Variants in APOBEC4 observed in about 807,000 individuals in gnomAD.
APOBEC4 encodes the protein apolipoprotein B mRNA editing enzyme catalytic polypeptide like 4.
For synonymous variants in APOBEC4, 141 were observed against 154.2 expected (o/e 0.91, Z 0.63); for missense variants, 375 against 441.2 (o/e 0.85, Z 1.34).
chr1:183,647,962 T>C lies in APOBEC4; in HGVS notation c.820A>G (p.Met274Val), dbSNP rs966918671. The stretch of plus-strand genomic sequence containing the variant: ...TTGGGTTGGAGTTGTCCACTCGGCA[T>C]TTGAAAAAACTGTCCAGGAAAGGCA... ...NNAFPGQFFQ[M>V]PSGQLQPNLP... Residue 274 changes from methionine to valine, a missense_variant, in exon 2 of 2, where the codon ATG becomes GTG. Coordinates refer to ENST00000308641, the MANE Select transcript of APOBEC4 (RefSeq NM_203454.3). The C allele has an allele frequency of 1.9e-6, 3 of 1,614,196 alleles. No individual in the cohort carries two copies. The highest frequency in any genetic ancestry group is 3.3e-5 in the Admixed American group (2 of 60,024).
At chr1:183,650,430 T>C (rs141962660) in intron 1 of APOBEC4, among the ~76,000 whole-genome samples, 12,439 of 151,890 alleles carry the variant, frequency 0.082, 1,003 homozygotes, top group African/African-American at 0.21. Flanking sequence ...GTAGTCCCAG[T>C]TACTCGGGAG....
At chr1:183,651,946 C>A (rs865827950) in intron 1 of APOBEC4, among the ~76,000 whole-genome samples, 21 of 152,196 alleles carry the variant, frequency 1.4e-4, no homozygotes, top group Admixed American at 4.6e-4. Context: ...CCCAAACTTT[C>A]ATGCTTTTTA....
At chr1:183,651,850 G>A (rs760839199) in intron 1 of APOBEC4, among the ~76,000 whole-genome samples, 4 of 152,140 alleles carry the variant, frequency 2.6e-5, no homozygotes, top group Non-Finnish European at 5.9e-5. Context: ...GCTTACTCCC[G>A]AGCATTGTTT....
rs370198309 is a variant in APOBEC4, at chr1:183,648,258, C to T, written c.524G>A (p.Arg175Gln). ...PASAWNREAL[R>Q]SLASLWPRVV... is the part of the protein sequence containing the mutation. The stretch of plus-strand genomic sequence containing the variant: ...CCGCGGCCATAAGCTGGCCAGGCTC[C>T]GGAGAGCTTCGCGGTTCCATGCTGA... Residue 175 changes from arginine to glutamine, a missense_variant, in exon 2 of 2, where the codon CGG becomes CAG. Arg to Gln is a conservative substitution (Grantham distance 43). Coordinates refer to ENST00000308641, the MANE Select transcript of APOBEC4 (RefSeq NM_203454.3). The T allele has an allele frequency of 5.8e-5, 93 of 1,613,980 alleles. 1 individual carries two copies. The Admixed American group carries it at 7.0e-4, about 12-fold the overall frequency.
rs943326197 is a variant in APOBEC4 at position 183,653,199 on chromosome 1, T to A, written c.-158A>T. The stretch of plus-strand genomic sequence containing the variant: ...TCAGAAGGCAATTGTGCTGTAAAGA[T>A]TCACCTTGTAATGGGTTCAGGACTC... On this transcript the variant is annotated 5_prime_UTR_variant, in exon 1 of 2. Transcript: ENST00000308641. 1 of 152,236 alleles carries A rather than the reference T, an allele frequency of 6.6e-6. No individual in the cohort carries two copies. The highest frequency in any genetic ancestry group is 1.5e-5 in the Non-Finnish European group (1 of 68,050). The allele number at this position is 152,236 out of a possible 1,614,324, so 9.4% of individuals were successfully genotyped here.
At chr1:183,650,859 T>C (rs1318578279) in intron 1 of APOBEC4, among the ~76,000 whole-genome samples, 1 of 152,128 alleles carries the variant, frequency 6.6e-6, no homozygotes, top group Non-Finnish European at 1.5e-5. Flanking sequence ...TATTTTTTTG[T>C]TGCTATAATG....
rs756763376 is a variant in APOBEC4, at chr1:183,647,748, A to G, written c.1034T>C (p.Val345Ala). Residue 345 changes from valine to alanine, a missense_variant, in exon 2 of 2, where the codon GTG becomes GCG. Coordinates refer to ENST00000308641, the MANE Select transcript of APOBEC4 (RefSeq NM_203454.3). ...RLPTGRSVEI[V>A]EITEQFASSK... is the part of the protein sequence containing the mutation. The stretch of plus-strand genomic sequence containing the variant: ...ACTTGCAAACTGTTCTGTGATTTCC[A>G]CTATCTCCACTGACCTTCCAGTGGG... 6.2e-6 allele frequency: 10 copies of G among 1,613,662 alleles called. No individual in the cohort carries two copies. The Admixed American group carries it at 8.3e-5, about 13-fold the overall frequency.
At position 183,647,623 on chromosome 1, in the gene APOBEC4, T is replaced by C. The variant is rs993943054; in HGVS notation, c.*55A>G. On this transcript the variant is annotated 3_prime_UTR_variant, in exon 2 of 2. Transcript: ENST00000308641. ...GAGAGAGAAAGTTTCCAGATTTTTA[T>C]TGCCTATCTAATAAGTCCCTTGGTA... 1 of 1,508,464 alleles carries C rather than the reference T, an allele frequency of 6.6e-7. No individual in the cohort carries two copies. Among genetic ancestry groups the C allele is most frequent in the Non-Finnish European group, 8.8e-7 (1 of 1,131,884 alleles). 93.4% of individuals were successfully genotyped at this position (1,508,464 alleles called of 1,614,324 possible).
At chr1:183,652,311 T>C (rs3889889) in intron 1 of APOBEC4, among the ~76,000 whole-genome samples, 9,456 of 152,256 alleles carry the variant, frequency 0.062, 483 homozygotes, top group African/African-American at 0.14. Flanking sequence ...ATCATTACTG[T>C]CTTTAAGGAG....
Position 183,647,045 on chromosome 1 carries a change from C to T in APOBEC4, c.*633G>A, listed in dbSNP as rs1650340585. 1 of 152,168 alleles carries T rather than the reference C, an allele frequency of 6.6e-6. No homozygotes were observed. The highest frequency in any genetic ancestry group is 2.4e-5 in the African/African-American group (1 of 41,424). The allele number at this position is 152,168 out of a possible 1,614,324, so 9.4% of individuals were successfully genotyped here. On this transcript the variant is annotated 3_prime_UTR_variant, in exon 2 of 2. Coordinates refer to ENST00000308641, the MANE Select transcript of APOBEC4 (RefSeq NM_203454.3). Reference sequence around the variant, plus strand: ...TTGGAGGTTCTCATGTATCATCTTACCTCTATCATCTGCTCAGAAGGGAGA... The same window carrying T: ...TTGGAGGTTCTCATGTATCATCTTATCTCTATCATCTGCTCAGAAGGGAGA...
At chr1:183,650,954 T>C (rs1427765503) in intron 1 of APOBEC4, among the ~76,000 whole-genome samples, 1 of 152,192 alleles carries the variant, frequency 6.6e-6, no homozygotes, top group Non-Finnish European at 1.5e-5. Flanking sequence ...GAAATATATT[T>C]GATTTTTTAC....
rs1650346736 is a variant in APOBEC4, at chr1:183,647,125, G to A, written c.*553C>T. On this transcript the variant is annotated 3_prime_UTR_variant, in exon 2 of 2. Coordinates refer to ENST00000308641, the MANE Select transcript of APOBEC4 (RefSeq NM_203454.3). Reference sequence around the variant, plus strand: ...AGGTGGCTAGGTTTTAATCTTTATAGCTATATGTAATCAGCAGAAGAGCTT... The same window carrying A: ...AGGTGGCTAGGTTTTAATCTTTATAACTATATGTAATCAGCAGAAGAGCTT... 1 of 152,840 alleles carries A rather than the reference G, an allele frequency of 6.5e-6. No individual in the cohort carries two copies. The highest frequency in any genetic ancestry group is 6.5e-5 in the Admixed American group (1 of 15,396). The allele number at this position is 152,840 out of a possible 1,614,324, so 9.5% of individuals were successfully genotyped here.
intron 1 of APOBEC4, among the ~76,000 whole-genome samples, chr1:183,650,059 T>A (rs1184248778): frequency 6.6e-6 from 1 of 152,124 alleles, no homozygotes; most frequent in Non-Finnish European, 1.5e-5. Context: ...GTGATCCTCC[T>A]ACCTTGGCCT....
Position 183,648,556 on chromosome 1 carries a change from CAGA to C in APOBEC4, c.223_225del (p.Ser75del). On this transcript the variant is annotated inframe_deletion, in exon 2 of 2. Transcript: ENST00000308641. The stretch of plus-strand genomic sequence containing the variant: ...GCATGGCCCTTTTGCACCAGGCTAC[CAGA>C]AGAAGTTTTTAGTTCATAAAATGTG... The C allele has an allele frequency of 6.2e-6, 10 of 1,614,124 alleles. No individual in the cohort carries two copies. Among genetic ancestry groups the C allele is most frequent in the Non-Finnish European group, 8.5e-6 (10 of 1,180,028 alleles).
chr1:183,648,925 T>G, intron 1 of APOBEC4, 114 bp from the exon 2 acceptor site: 1 of 648,820 alleles, frequency 1.5e-6, no homozygotes, highest in East Asian at 2.7e-5. Flanking sequence ...AAGATAGTGA[T>G]ATATGCATAG....
chr1:183,647,681 T>A lies in APOBEC4; in HGVS notation c.1101A>T (p.Lys367Asn). The change falls in exon 2 of 2, where the codon AAA becomes AAT. Residue 367 changes from lysine to asparagine, a missense_variant. Coordinates refer to ENST00000308641, the MANE Select transcript of APOBEC4 (RefSeq NM_203454.3). ...ADEKKKKKGK[K>N] ...TCATGCTGTAGGAATGTAGATTTTA[T>A]TTCTTCCCTTTCTTCTTCTTCTTTT... is the stretch of plus-strand genomic sequence containing the variant. The A allele has an allele frequency of 1.9e-6, 3 of 1,593,734 alleles. No homozygotes were observed. The highest frequency in any genetic ancestry group is 2.6e-6 in the Non-Finnish European group (3 of 1,167,168).
rs202103930 is a variant in APOBEC4 at position 183,648,113 on chromosome 1, C to T, written c.669G>A (p.Arg223=). Residue 223 remains arginine, a synonymous_variant, in exon 2 of 2, where the codon AGG becomes AGA. Coordinates refer to ENST00000308641, the MANE Select transcript of APOBEC4 (RefSeq NM_203454.3). ...TGGCATTGATTTCATATGCGTTGTG[C>T]CTGTCAGCCAGTGCTCTCCCAGTTA... The part of the protein sequence containing the change: ...PILTGRALAD[R]HNAYEINAIT... 2.1e-5 allele frequency: 34 copies of T among 1,614,072 alleles called. No individual in the cohort carries two copies. The highest frequency in any genetic ancestry group is 2.8e-5 in the Non-Finnish European group (33 of 1,180,050).
Position 183,648,285 on chromosome 1 carries a change from GC to G in APOBEC4, c.496del (p.Ala166ProfsTer21). On this transcript the variant is annotated frameshift_variant, in exon 2 of 2. Transcript: ENST00000308641. LOFTEE classifies it low-confidence loss of function (END_TRUNC). ...GAGAGCTTCGCGGTTCCATGCTGAG[GC>G]AGGAAAGTCCATCTCAGTATGATAG... is the stretch of plus-strand genomic sequence containing the variant. ...QLYHTEMDFP[A>X]SAWNREALRS... 1 of 1,614,178 alleles carries G rather than the reference GC, an allele frequency of 6.2e-7. No homozygotes were observed. The highest frequency in any genetic ancestry group is 8.5e-7 in the Non-Finnish European group (1 of 1,180,032).
rs1349122092 is a variant in APOBEC4, at chr1:183,648,692, A to G, written c.90T>C (p.Asn30=). Residue 30 remains asparagine (N), a synonymous_variant, in exon 2 of 2, where the codon AAT becomes AAC. Transcript: ENST00000308641. ...CACCTGTTCGAATATGGTAAGGACA[A>G]TTAGAGCAATCGAGAGAGAAGCTTA... The part of the protein sequence containing the change: ...YWLSFSLDCS[N]CPYHIRTGEE... 3 of 1,614,216 alleles carry G rather than the reference A, an allele frequency of 1.9e-6. No individual in the cohort carries two copies. The East Asian group carries it at 6.7e-5, about 36-fold the overall frequency.
Sources: allele counts gnomAD v4.1 joint callset (sites outside exome capture counted in the v4.1 genomes callset), GRCh38; gene constraint gnomAD v4.1.1; transcripts MANE v1.5; gene names NCBI Gene and HGNC (gene_info 2026-07-23, HGNC 2026-07-21).